MARCHF1: variants seen among roughly 807,000 people sequenced by gnomAD.
MARCHF1 encodes the protein membrane associated ring-CH-type finger 1.
A neutral mutation model predicts 54.2 loss-of-function variants in MARCHF1; 40 were observed. The ratio of observed to expected loss-of-function variants is 0.74; its 90% CI spans 0.57 to 0.96. The LOEUF is 0.96. Among genes scored for constraint, MARCHF1 ranks in the 40% least tolerant of loss-of-function variants. MARCHF1 has a pLI of 0.00. For synonymous variants in MARCHF1, 236 were observed against 236.3 expected (o/e 1.00, Z 0.01); for missense variants, 586 against 656.5 (o/e 0.89, Z 1.17).
chr4:163,609,739 C>A (rs1292862922), intron 7 of MARCHF1, among the ~76,000 whole-genome samples: 7 of 151,140 alleles, frequency 4.6e-5, no homozygotes, highest in African/African-American at 1.7e-4. Context: ...TATGTAGAAC[C>A]CCACTATGTA....
chr4:164,381,436 T>C (rs1662285657), intron 1 of MARCHF1, among the ~76,000 whole-genome samples: 1 of 152,242 alleles, frequency 6.6e-6, no homozygotes, highest in Non-Finnish European at 1.5e-5. Context: ...TATGTACTTT[T>C]GACCTTCTTG....
At chr4:164,241,483 C>T (rs1450333409) in intron 1 of MARCHF1, among the ~76,000 whole-genome samples, 1 of 152,094 alleles carries the variant, frequency 6.6e-6, no homozygotes, top group Non-Finnish European at 1.5e-5. Context: ...GCCTTCCCTT[C>T]CCAGTATACA....
chr4:164,381,654 T>G (rs1731373258), intron 1 of MARCHF1, among the ~76,000 whole-genome samples: 1 of 152,180 alleles, frequency 6.6e-6, no homozygotes. Flanking sequence ...ATACACATAT[T>G]GTATGTAAAT....
At chr4:163,874,633 C>T (rs958092983) in intron 3 of MARCHF1, among the ~76,000 whole-genome samples, 18 of 151,998 alleles carry the variant, frequency 1.2e-4, no homozygotes, top group African/African-American at 4.3e-4. Context: ...CAGGCATATA[C>T]CAGACATGAA....
At chr4:163,889,205 C>T (rs900800597) in intron 3 of MARCHF1, among the ~76,000 whole-genome samples, 2 of 152,182 alleles carry the variant, frequency 1.3e-5, no homozygotes, top group African/African-American at 4.8e-5. Flanking sequence ...ACAGAGTCCT[C>T]ACTATGCGCC....
At chr4:164,009,330 C>T (rs1422914515) in intron 2 of MARCHF1, among the ~76,000 whole-genome samples, 2 of 151,982 alleles carry the variant, frequency 1.3e-5, no homozygotes, top group African/African-American at 2.4e-5. Context: ...AATAAAAGTC[C>T]AGGACCTGAT....
At chr4:164,338,039 T>A (rs1025557040) in intron 1 of MARCHF1, among the ~76,000 whole-genome samples, 3 of 152,118 alleles carry the variant, frequency 2.0e-5, no homozygotes, top group Non-Finnish European at 4.4e-5. Flanking sequence ...ACAAAAGTAT[T>A]TAAAAATAAC....
At chr4:163,925,162 T>C (rs1751511237) in intron 3 of MARCHF1, among the ~76,000 whole-genome samples, 1 of 151,904 alleles carries the variant, frequency 6.6e-6, no homozygotes. Context: ...AATTTGTTTT[T>C]CTATTTATCT....
intron 4 of MARCHF1, among the ~76,000 whole-genome samples, chr4:163,709,082 A>G (rs1316856273): frequency 1.3e-5 from 2 of 152,182 alleles, no homozygotes; most frequent in African/African-American, 4.8e-5. Context: ...TTTAAAAACA[A>G]ACAGAACTCC....
chr4:164,033,256 C>T (rs980895478), intron 2 of MARCHF1, among the ~76,000 whole-genome samples: 1 of 151,242 alleles, frequency 6.6e-6, no homozygotes, highest in African/African-American at 2.4e-5. Flanking sequence ...CTTCCCTATA[C>T]CTTATACAAA....
chr4:163,547,542 G>A (rs571112013), intron 8 of MARCHF1, among the ~76,000 whole-genome samples: 142 of 152,288 alleles, frequency 9.3e-4, no homozygotes, highest in African/African-American at 3.3e-3. Flanking sequence ...AAAATCTTGA[G>A]AACTGGAGTT....
At chr4:164,088,275 G>A (rs200074855) in intron 2 of MARCHF1, among the ~76,000 whole-genome samples, 4 of 152,120 alleles carry the variant, frequency 2.6e-5, no homozygotes, top group East Asian at 1.9e-4. Context: ...GCGTTCAAAG[G>A]TTCCCATGAG....
intron 8 of MARCHF1, among the ~76,000 whole-genome samples, chr4:163,547,821 C>T (rs1298528130): frequency 1.3e-5 from 2 of 152,208 alleles, no homozygotes; most frequent in Non-Finnish European, 2.9e-5. Flanking sequence ...AACACCATCC[C>T]TTCCTCTCCT....
chr4:164,363,766 C>CATGTGTGTGTGT (rs1554004696), intron 1 of MARCHF1, among the ~76,000 whole-genome samples: 10 of 150,100 alleles, frequency 6.7e-5, no homozygotes, highest in Non-Finnish European at 1.5e-4. Flanking sequence ...ATTAATAAGC[C>CATGTGTGTGTGT]GTGTGTGTGT....
rs114966282 is a variant in MARCHF1 at position 163,715,775 on chromosome 4, A to C, written c.112-14912T>G. Among the ~76,000 whole-genome samples, 1,149 of 152,300 alleles carry C rather than the reference A, an allele frequency of 7.5e-3. 8 individuals carry two copies. The highest frequency in any genetic ancestry group is 0.021 in the South Asian group (103 of 4,830). On this transcript the variant is annotated intron_variant, in intron 4 of 9. Transcript: ENST00000514618. ...AATAAGGGCTAGTGTATCTGCTGAA[A>C]ATACTCTGCTCCAATCTCAAAAACA...
chr4:163,867,626 T>C (rs1417734601), intron 3 of MARCHF1, among the ~76,000 whole-genome samples: 1 of 151,802 alleles, frequency 6.6e-6, no homozygotes, highest in Non-Finnish European at 1.5e-5. Flanking sequence ...AAGGCTTTCT[T>C]TTTTTGCAGT....
intron 3 of MARCHF1, among the ~76,000 whole-genome samples, chr4:163,954,397 A>C (rs936796432): frequency 2.0e-5 from 3 of 152,204 alleles, no homozygotes; most frequent in Non-Finnish European, 4.4e-5. Context: ...CATTAAAAAT[A>C]CATAATCAGT....
chr4:163,731,978 A>T (rs1296045356), intron 4 of MARCHF1, among the ~76,000 whole-genome samples: 2 of 152,190 alleles, frequency 1.3e-5, no homozygotes, highest in African/African-American at 4.8e-5. Context: ...CATTTTTAGG[A>T]ATAGAAAAAT....
chr4:163,942,577 C>G lies in MARCHF1; in HGVS notation c.-39+45924G>C, dbSNP rs544302732. On this transcript the variant is annotated intron_variant, in intron 3 of 9. Coordinates refer to ENST00000514618, the MANE Select transcript of MARCHF1 (RefSeq NM_001394959.1). ...ATGGTTTTCCACCTTGAATACACTT[C>G]TGCCTAATTTCCATATATAATGTCC... Among the ~76,000 whole-genome samples the G allele has an allele frequency of 9.2e-5, 14 of 152,268 alleles. No individual in the cohort carries two copies. In the East Asian group the frequency reaches 2.7e-3, roughly 29 times the overall value.
Sources: gnomAD v4.1 joint callset for allele counts (sites outside exome capture counted in the v4.1 genomes callset) on GRCh38, gnomAD v4.1.1 for gene constraint, MANE v1.5 for transcripts, NCBI Gene and HGNC (gene_info 2026-07-23, HGNC 2026-07-21) for gene names.